Variants in DCAF1 observed in about 807,000 individuals in gnomAD.
DCAF1 encodes the protein DDB1 and CUL4 associated factor 1, also known as DDB1- and CUL4-associated factor 1.
DCAF1 carries 15 observed loss-of-function variants against 128.0 expected under a neutral mutation model. The ratio of observed to expected loss-of-function variants is 0.12; its 90% CI spans 0.08 to 0.18. The LOEUF (loss-of-function observed/expected upper bound fraction) is 0.18, where lower values mean the gene tolerates loss of function less well. Ranked by LOEUF, DCAF1 falls within the 10% of genes least tolerant of loss-of-function variation. The pLI is 1.00. For missense variants in DCAF1, 988 were observed against 1,649.5 expected (o/e 0.60, Z 6.95); for synonymous variants, 610 against 603.0 (o/e 1.01, Z -0.17).
chr3:51,480,104 T>TA (rs782106577), intron 3 of DCAF1, among the ~76,000 whole-genome samples: 571 of 93,116 alleles, frequency 6.1e-3, no homozygotes, highest in East Asian at 0.021. Flanking sequence ...ACCCTGTCAC[T>TA]AAAAAAAAAA....
chr3:51,459,739 A>C lies in DCAF1; in HGVS notation c.375+3375T>G, dbSNP rs1703332300. 2.6e-5 allele frequency among the ~76,000 whole-genome samples: 4 copies of C among 152,358 alleles called. No homozygotes were observed. The South Asian group carries it at 8.3e-4, about 32-fold the overall frequency. On this transcript the variant is annotated intron_variant, in intron 6 of 24. Transcript: ENST00000684031. ...CAAGTGGGCTTCATCCCTGGGATGC[A>C]AGGCTGGTTCAACATATGCAAATCA... is the stretch of plus-strand genomic sequence containing the variant.
intron 14 of DCAF1, 84 bp from the exon 15 acceptor site, chr3:51,421,081 T>C: frequency 6.8e-7 from 1 of 1,474,624 alleles, no homozygotes. Context: ...AATTTGGTGT[T>C]CTACTCACTT....
chr3:51,445,495 G>A lies in DCAF1; in HGVS notation c.376-1592C>T, dbSNP rs918858744. On this transcript the variant is annotated intron_variant, in intron 6 of 24. Transcript: ENST00000684031. ...GGGCAGGTACTATATTTGCAGATGA[G>A]GAAAATGAATCACAGTGAGGCTAGT... 3.9e-5 allele frequency among the ~76,000 whole-genome samples: 6 copies of A among 152,234 alleles called. No individual in the cohort carries two copies. In the South Asian group the frequency reaches 1.2e-3, roughly 32 times the overall value.
At chr3:51,424,594 C>T (rs984487280) in intron 13 of DCAF1, among the ~76,000 whole-genome samples, 4 of 151,932 alleles carry the variant, frequency 2.6e-5, no homozygotes, top group Non-Finnish European at 5.9e-5. Context: ...TTCATGATAC[C>T]ATTTATTTAA....
chr3:51,403,442 C>T (rs925377267), intron 23 of DCAF1, 47 bp from the exon 24 acceptor site: 1 of 1,542,410 alleles, frequency 6.5e-7, no homozygotes, highest in Non-Finnish European at 8.8e-7. Context: ...AGAGGCCTGA[C>T]CCATGGGGGC....
chr3:51,418,242 C>T (rs1296271500), intron 16 of DCAF1, 44 bp from the exon 17 acceptor site: 3 of 1,568,426 alleles, frequency 1.9e-6, no homozygotes, highest in Non-Finnish European at 1.7e-6. Flanking sequence ...TATTTACATA[C>T]ATGCAGATGT....
chr3:51,443,750 C>T lies in DCAF1; in HGVS notation c.513+16G>A. 1 of 1,581,738 alleles carries T rather than the reference C, an allele frequency of 6.3e-7. No homozygotes were observed. The highest frequency in any genetic ancestry group is 1.2e-5 in the South Asian group (1 of 84,546). On this transcript the variant is annotated intron_variant, in intron 7 of 24. Transcript: ENST00000684031. ...CTCCCATTTTATATAAAAATTTATT[C>T]TAACACAGTCCTTACCAGCTGTGAA...
intron 9 of DCAF1, among the ~76,000 whole-genome samples, chr3:51,439,688 A>G (rs1259560253): frequency 1.3e-5 from 2 of 152,034 alleles, no homozygotes; most frequent in African/African-American, 4.8e-5. Context: ...CAATATGTAC[A>G]TAGTTTAAAA....
chr3:51,489,176 G>A (rs1263666577), intron 2 of DCAF1, among the ~76,000 whole-genome samples: 3 of 152,136 alleles, frequency 2.0e-5, no homozygotes, highest in African/African-American at 7.2e-5. Flanking sequence ...GCTCACACCT[G>A]TAATCCCGGC....
intron 2 of DCAF1, among the ~76,000 whole-genome samples, chr3:51,493,222 G>C (rs1707857804): frequency 6.6e-6 from 1 of 152,016 alleles, no homozygotes; most frequent in African/African-American, 2.4e-5. Context: ...AAGGCGGGCA[G>C]ATCTCCTGAG....
chr3:51,429,851 TCTAA>T (rs1700218848), intron 11 of DCAF1, among the ~76,000 whole-genome samples, 178 bp downstream of exon 11: 1 of 151,480 alleles, frequency 6.6e-6, no homozygotes, highest in Admixed American at 6.6e-5. Context: ...CACAGTGTCC[TCTAA>T]CTACTAAAGA....
intron 2 of DCAF1, among the ~76,000 whole-genome samples, chr3:51,494,133 G>A (rs1371525926): frequency 3.6e-5 from 5 of 137,788 alleles, no homozygotes; most frequent in African/African-American, 5.4e-5. Flanking sequence ...TTTTTTTTGA[G>A]ATGGAGTCTC....
intron 9 of DCAF1, among the ~76,000 whole-genome samples, chr3:51,438,236 A>T (rs1701034382): frequency 6.6e-6 from 1 of 152,204 alleles, no homozygotes; most frequent in Non-Finnish European, 1.5e-5. Flanking sequence ...ACAAATATTA[A>T]GAGAATTCAT....
In DCAF1 at chr3:51,483,825, T is replaced by C. The variant is rs781971559; in HGVS notation, c.4A>G (p.Thr2Ala). 3 of 1,610,788 alleles carry C rather than the reference T, an allele frequency of 1.9e-6. No homozygotes were observed. Among genetic ancestry groups the C allele is most frequent in the Non-Finnish European group, 2.5e-6 (3 of 1,177,996 alleles). The change falls in exon 3 of 25, where the codon ACT becomes GCT. Residue 2 changes from threonine (T) to alanine (A), a missense_variant. Transcript: ENST00000684031. The stretch of plus-strand genomic sequence containing the variant: ...GAGTCCACATGTACCACTACTGTAG[T>C]CATGGCTTTGCCTAAGGAAGCAAAA... M[T>A]TVVVHVDSKA...
At chr3:51,442,623 C>T (rs968275242) in intron 7 of DCAF1, among the ~76,000 whole-genome samples, 4 of 151,786 alleles carry the variant, frequency 2.6e-5, no homozygotes, top group African/African-American at 9.7e-5. Flanking sequence ...CACTTGAACC[C>T]GGAAGGTGGA....
At chr3:51,426,859 A>C (rs1016233046) in intron 13 of DCAF1, among the ~76,000 whole-genome samples, 1 of 152,182 alleles carries the variant, frequency 6.6e-6, no homozygotes, top group Non-Finnish European at 1.5e-5. Context: ...ATCATCTTCA[A>C]ATAGAACCTA....
intron 23 of DCAF1, among the ~76,000 whole-genome samples, chr3:51,408,261 A>T (rs1158907881): frequency 6.6e-6 from 1 of 152,200 alleles, no homozygotes; most frequent in African/African-American, 2.4e-5. Flanking sequence ...CATGTCAATT[A>T]TATCTCGATA....
intron 9 of DCAF1, among the ~76,000 whole-genome samples, chr3:51,433,568 T>C (rs941962571): frequency 2.6e-5 from 4 of 151,592 alleles, no homozygotes; most frequent in Admixed American, 2.0e-4. Context: ...TGCAATCGAT[T>C]CTCCTGCCTC....
At chr3:51,482,764 CA>C (rs797042469) in intron 3 of DCAF1, among the ~76,000 whole-genome samples, 303 of 29,976 alleles carry the variant, frequency 0.01, 1 homozygote, top group South Asian at 0.014. Context: ...CACTCCATCT[CA>C]AAAAAAAAAA....
Sources: allele counts gnomAD v4.1 joint callset (sites outside exome capture counted in the v4.1 genomes callset), GRCh38; gene constraint gnomAD v4.1.1; transcripts MANE v1.5; gene names NCBI Gene and HGNC (gene_info 2026-07-23, HGNC 2026-07-21).